The following TRAF7 variants were observed in gnomAD, a reference collection of about 807,000 sequenced individuals.
TRAF7 encodes the protein TNF receptor associated factor 7, also known as E3 ubiquitin-protein ligase TRAF7.
TRAF7 carries 45 observed loss-of-function variants against 89.3 expected under a neutral mutation model. The observed-to-expected ratio is 0.50, with a 90% CI of 0.40 to 0.65. The LOEUF is 0.65. TRAF7 is among the 30% of genes least tolerant of loss of function. TRAF7 has a pLI of 0.00. For synonymous variants in TRAF7, 406 were observed against 369.2 expected, an observed-to-expected ratio of 1.10 and a Z score of -1.14; for missense variants, 677 against 918.1, an observed-to-expected ratio of 0.74 and a Z score of 3.39.
At position 2,163,703 on chromosome 16, in the gene TRAF7, G is replaced by C. The variant is rs991145148; in HGVS notation, c.-38-180G>C. The C allele has an allele frequency of 1.0e-5, 6 of 591,342 alleles. No homozygotes were observed. Among genetic ancestry groups the C allele is most frequent in the African/African-American group, 9.3e-5 (5 of 53,500 alleles). The allele number at this position is 591,342 out of a possible 1,614,324, so 36.6% of individuals were successfully genotyped here. Reference sequence around the variant, plus strand: ...TGCCTGCCCGGGCCTCTGCATACCTGGGATCGGGGTGAAGGACCTTTGCCT... The same window carrying C: ...TGCCTGCCCGGGCCTCTGCATACCTCGGATCGGGGTGAAGGACCTTTGCCT... On this transcript the variant is annotated intron_variant, in intron 1 of 20. Transcript: ENST00000326181. This position sits in a 1 kb window ranked among gnomAD's most constrained non-coding sequence, Gnocchi z 4.3.
Position 2,175,583 on chromosome 16 carries a change from C to T in TRAF7, c.1587C>T (p.Ala529=), listed in dbSNP as rs2141295230. 1 of 1,612,836 alleles carries T rather than the reference C, an allele frequency of 6.2e-7. No individual in the cohort carries two copies. The highest frequency in any genetic ancestry group is 8.5e-7 in the Non-Finnish European group (1 of 1,179,964). The change falls in exon 17 of 21, where the codon GCC becomes GCT. Residue 529 remains alanine, a synonymous_variant. Transcript: ENST00000326181. ...LNHWVRALVA[A]QSYLYSGSYQ... ...ACTGGGTGCGGGCCCTGGTGGCTGCCCAGAGCTACCTGTACAGCGGCTCCT... is the reference window on the plus strand; with the variant it reads ...ACTGGGTGCGGGCCCTGGTGGCTGCTCAGAGCTACCTGTACAGCGGCTCCT...
In TRAF7 at chr16:2,173,407, T is replaced by C. The variant is rs1282386821; in HGVS notation, c.1012+8T>C. The C allele has an allele frequency of 1.2e-6, 2 of 1,612,598 alleles. No individual in the cohort carries two copies. The highest frequency in any genetic ancestry group is 4.5e-5 in the East Asian group (2 of 44,862). ...GCCTGGAGCTCAAGTTTGGTGAGGG[T>C]GGGCACCGGGGCAGGCAGGGGCCTG... On this transcript the variant is annotated splice_region_variant and intron_variant, in intron 10 of 20. Coordinates refer to ENST00000326181, the MANE Select transcript of TRAF7 (RefSeq NM_032271.3).
Position 2,171,770 on chromosome 16 carries a change from C to T in TRAF7, c.475+165C>T, listed in dbSNP as rs370130941. On this transcript the variant is annotated intron_variant, in intron 7 of 20. Transcript: ENST00000326181. ...TCCTAGGGACGCTCAGGCTGAGGCT[C>T]GGGACCTCCATGAGCAGAGTGGGGA... 1.2e-3 allele frequency among the ~76,000 whole-genome samples: 177 copies of T among 152,290 alleles called. 1 individual carries two copies. The highest frequency in any genetic ancestry group is 3.9e-3 in the African/African-American group (163 of 41,568).
chr16:2,159,313 G>C lies in TRAF7; in HGVS notation c.-39+3455G>C, dbSNP rs185326533. On this transcript the variant is annotated intron_variant, in intron 1 of 20. Coordinates refer to ENST00000326181, the MANE Select transcript of TRAF7 (RefSeq NM_032271.3). The surrounding 1 kb of genome is among the most constrained non-coding windows in gnomAD (Gnocchi z 6.5). ...CAAGGGGGTTCGCCGTGCTAGGAGG[G>C]AAGCGGGGCCAAGCCGGCCTCAGAC... 2.0e-5 allele frequency among the ~76,000 whole-genome samples: 3 copies of C among 152,140 alleles called. No individual in the cohort carries two copies. The highest frequency in any genetic ancestry group is 4.8e-5 in the African/African-American group (2 of 41,428).
In TRAF7 at chr16:2,173,814, G is replaced by C. The variant is rs1344357067; in HGVS notation, c.1113G>C (p.Arg371=). The change falls in exon 12 of 21, where the codon CGG becomes CGC. Residue 371 remains arginine (R), a synonymous_variant. Transcript: ENST00000326181. ...LNDELSHINA[R]LNMGILGSYD... ...ACGAGCTGTCCCACATCAACGCGCGGCTGAACATGGGCATCCTAGGCTGTG... is the reference window on the plus strand; with the variant it reads ...ACGAGCTGTCCCACATCAACGCGCGCCTGAACATGGGCATCCTAGGCTGTG... 6.2e-7 allele frequency: 1 copy of C among 1,610,798 alleles called. No individual in the cohort carries two copies. Among genetic ancestry groups the C allele is most frequent in the Admixed American group, 1.7e-5 (1 of 60,016 alleles).
rs1261532998 is a variant in TRAF7 at position 2,178,021 on chromosome 16, A to G, written c.*1447A>G. ...TTGGTAAATGGTTTTCTATAGAATC[A>G]ATAATATTTCTTTCTTTAAATATAT... On this transcript the variant is annotated 3_prime_UTR_variant, in exon 21 of 21. Transcript: ENST00000326181. The G allele has an allele frequency of 2.3e-6, 1 of 431,702 alleles. No homozygotes were observed. Among genetic ancestry groups the G allele is most frequent in the Non-Finnish European group, 4.4e-6 (1 of 229,430 alleles). The allele number at this position is 431,702 out of a possible 1,614,324, so 26.7% of individuals were successfully genotyped here. A position where few individuals can be genotyped will look rare whatever the true frequency, so the allele number is the denominator to read the frequency against.
intron 13 of TRAF7, 74 bp downstream of exon 13, chr16:2,174,122 T>C: frequency 1.9e-6 from 3 of 1,604,866 alleles, no homozygotes; most frequent in Non-Finnish European, 2.6e-6. Context: ...ACTGCCAGCC[T>C]GCCTATGGGT....
chr16:2,161,592 G>C lies in TRAF7; in HGVS notation c.-38-2291G>C, dbSNP rs544838716. On this transcript the variant is annotated intron_variant, in intron 1 of 20. Coordinates refer to ENST00000326181, the MANE Select transcript of TRAF7 (RefSeq NM_032271.3). This position sits in a 1 kb window ranked among gnomAD's most constrained non-coding sequence, Gnocchi z 5.2. ...GAAGCTTGCAGTACAGGGAGCTGAT[G>C]GGTTTGTAAAATGCAGGTCAGTGTC... 1.3e-5 allele frequency among the ~76,000 whole-genome samples: 2 copies of C among 152,268 alleles called. No homozygotes were observed. Among genetic ancestry groups the C allele is most frequent in the Admixed American group, 1.3e-4 (2 of 15,300 alleles).
chr16:2,176,706 C>A lies in TRAF7; in HGVS notation c.*132C>A. On this transcript the variant is annotated 3_prime_UTR_variant, in exon 21 of 21. Coordinates refer to ENST00000326181, the MANE Select transcript of TRAF7 (RefSeq NM_032271.3). The stretch of plus-strand genomic sequence containing the variant: ...AGGTGGACAGGCTCTGGCAGCCGGG[C>A]AGTGCCCTCCCCGTCCCATGCTCGG... 7.4e-7 allele frequency: 1 copy of A among 1,343,826 alleles called. No homozygotes were observed. The highest frequency in any genetic ancestry group is 1.0e-6 in the Non-Finnish European group (1 of 955,962). The allele number at this position is 1,343,826 out of a possible 1,614,324, so 83.2% of individuals were successfully genotyped here. A position where few individuals can be genotyped will look rare whatever the true frequency, so the allele number is the denominator to read the frequency against.
chr16:2,169,815 C>T (rs2093101060), intron 4 of TRAF7, among the ~76,000 whole-genome samples: 1 of 152,224 alleles, frequency 6.6e-6, no homozygotes, highest in African/African-American at 2.4e-5. Context: ...GGCCTTGGGA[C>T]TGGTTTGCCT....
At chr16:2,160,252 G>A (rs2093052105) in intron 1 of TRAF7, among the ~76,000 whole-genome samples, 1 of 152,056 alleles carries the variant, frequency 6.6e-6, no homozygotes, top group South Asian at 2.1e-4. Flanking sequence ...GGAGGGGACG[G>A]TGGGGGGCCA....
In TRAF7 at chr16:2,158,857, G is replaced by C. The variant is rs1243061573; in HGVS notation, c.-39+2999G>C. 6.6e-6 allele frequency among the ~76,000 whole-genome samples: 1 copy of C among 151,548 alleles called. No individual in the cohort carries two copies. Among genetic ancestry groups the C allele is most frequent in the African/African-American group, 2.4e-5 (1 of 41,178 alleles). On this transcript the variant is annotated intron_variant, in intron 1 of 20. Coordinates refer to ENST00000326181, the MANE Select transcript of TRAF7 (RefSeq NM_032271.3). The surrounding 1 kb of genome is among the most constrained non-coding windows in gnomAD (Gnocchi z 4.7). ...TCTGAGGCCCACTTGACTTGGGTGA[G>C]AGCCAGGAACGCACTCCCCAGCCCA... is the stretch of plus-strand genomic sequence containing the variant.
intron 11 of TRAF7, 105 bp downstream of exon 11, chr16:2,173,659 G>T: frequency 1.3e-6 from 2 of 1,570,328 alleles, no homozygotes; most frequent in Non-Finnish European, 1.7e-6. Flanking sequence ...AAGATCAGGG[G>T]TCTTGTGTGT....
At chr16:2,167,728 C>T (rs2093092127) in intron 3 of TRAF7, among the ~76,000 whole-genome samples, 1 of 152,210 alleles carries the variant, frequency 6.6e-6, no homozygotes, top group Non-Finnish European at 1.5e-5. Flanking sequence ...TGGCTGCGTG[C>T]TGGCCATGAG....
In TRAF7 at chr16:2,168,528, G is replaced by A; in HGVS notation, c.231+360G>A. The stretch of plus-strand genomic sequence containing the variant: ...CTTTGAAAGCTTCCTTTGCTGCTGG[G>A]TAGGGAATGAGCGGGGTTGCTGGGT... On this transcript the variant is annotated intron_variant, in intron 4 of 20. Transcript: ENST00000326181. The surrounding 1 kb of genome is among the most constrained non-coding windows in gnomAD (Gnocchi z 4.1). The A allele has an allele frequency of 4.6e-6, 1 of 216,934 alleles. No individual in the cohort carries two copies. Among genetic ancestry groups the A allele is most frequent in the South Asian group, 6.4e-5 (1 of 15,694 alleles). The allele number at this position is 216,934 out of a possible 1,614,324, so 13.4% of individuals were successfully genotyped here. A position where few individuals can be genotyped will look rare whatever the true frequency, so the allele number is the denominator to read the frequency against.
At position 2,168,288 on chromosome 16, in the gene TRAF7, A is replaced by T. The variant is rs2093094946; in HGVS notation, c.231+120A>T. 1.3e-6 allele frequency: 1 copy of T among 761,338 alleles called. No individual in the cohort carries two copies. The highest frequency in any genetic ancestry group is 2.1e-6 in the Non-Finnish European group (1 of 477,756). The allele number at this position is 761,338 out of a possible 1,614,324, so 47.2% of individuals were successfully genotyped here. On this transcript the variant is annotated intron_variant, in intron 4 of 20. Transcript: ENST00000326181. This position sits in a 1 kb window ranked among gnomAD's most constrained non-coding sequence, Gnocchi z 4.1. ...TGGTGAGGCACAGGAGAAGAAGAGC[A>T]CCTGTGGATACCCTGAGGCCTCGGC...
chr16:2,171,922 G>A (rs909162802), intron 7 of TRAF7, among the ~76,000 whole-genome samples: 3 of 152,190 alleles, frequency 2.0e-5, no homozygotes, highest in Admixed American at 6.5e-5. Context: ...CCTCCCGCAC[G>A]GCGCCCGCTC....
At position 2,164,139 on chromosome 16, in the gene TRAF7, G is replaced by GGTGTGTGTGTGTGTGT. The variant is rs376580813; in HGVS notation, c.81+144_81+159dup. On this transcript the variant is annotated intron_variant, in intron 2 of 20. Coordinates refer to ENST00000326181, the MANE Select transcript of TRAF7 (RefSeq NM_032271.3). ...AGGGGAGCTCGGTGGGGGGGGGTGT[G>GGTGTGTGTGTGTGTGT]GTGTGTGTGTGTGTGTGTGTGCGCG... 1,668 of 543,246 alleles carry GGTGTGTGTGTGTGTGT rather than the reference G, an allele frequency of 3.1e-3. 4 individuals are homozygous for GGTGTGTGTGTGTGTGT. Among genetic ancestry groups the GGTGTGTGTGTGTGTGT allele is most frequent in the South Asian group, 7.4e-3 (331 of 44,790 alleles). The allele number at this position is 543,246 out of a possible 1,614,324, so 33.7% of individuals were successfully genotyped here.
chr16:2,169,867 G>C (rs148781355), intron 4 of TRAF7, among the ~76,000 whole-genome samples: 1 of 152,200 alleles, frequency 6.6e-6, no homozygotes, highest in Admixed American at 6.5e-5. Context: ...CGGGAAGGGG[G>C]CCAGAGGCTC....
Sources: allele counts gnomAD v4.1 joint callset (sites outside exome capture counted in the v4.1 genomes callset), GRCh38; gene constraint gnomAD v4.1.1; non-coding constraint Gnocchi (gnomAD v3.1); transcripts MANE v1.5; gene names NCBI Gene and HGNC (gene_info 2026-07-23, HGNC 2026-07-21).